Variants in MST1R observed in about 807,000 individuals in gnomAD.
MST1R encodes macrophage stimulating 1 receptor.
A neutral mutation model predicts 117.8 loss-of-function variants in MST1R; 99 were observed. The observed-to-expected ratio is 0.84, with a 90% CI of 0.71 to 0.99. MST1R has a LOEUF of 0.99. MST1R is among the 50% of genes least tolerant of loss of function. The pLI is 0.00. For missense variants in MST1R, 1,683 were observed against 1,840.2 expected (o/e 0.91, Z 1.56); for synonymous variants, 734 against 765.3 (o/e 0.96, Z 0.68).
intron 17 of MST1R, 125 bp downstream of exon 17, chr3:49,891,071 CA>C (rs2108383597): frequency 2.2e-5 from 20 of 891,500 alleles, no homozygotes; most frequent in African/African-American, 3.3e-5. Context: ...ACTGGGCAGA[CA>C]AAAAAAGTAA....
chr3:49,897,611 G>A lies in MST1R; in HGVS notation c.1955C>T (p.Pro652Leu), dbSNP rs779818952. 6.2e-7 allele frequency: 1 copy of A among 1,614,144 alleles called. No individual in the cohort carries two copies. Among genetic ancestry groups the A allele is most frequent in the East Asian group, 2.2e-5 (1 of 44,888 alleles). The change falls in exon 6 of 20, where the codon CCT (proline) becomes CTT (leucine). Residue 652 changes from proline to leucine, a missense_variant. By Grantham distance (98) the Pro-to-Leu change is moderately conservative. Transcript: ENST00000296474. ...AGTCACGGTGAGGCTGACGTTGGTAGGCCCCACTGCCTGGGTGCCCAAGGG... is the reference window on the plus strand; with the variant it reads ...AGTCACGGTGAGGCTGACGTTGGTAAGCCCCACTGCCTGGGTGCCCAAGGG... ...LEPLGTQAVG[P>L]TNVSLTVTNM...
chr3:49,898,836 T>C, intron 3 of MST1R, 31 bp downstream of exon 3: 1 of 1,613,096 alleles, frequency 6.2e-7, no homozygotes, highest in Non-Finnish European at 8.5e-7. Flanking sequence ...CCCACAACCC[T>C]GGCCCCAGGC....
rs1253864276 is a variant in MST1R, at chr3:49,903,411, C to A, written c.199G>T (p.Glu67Ter). Residue 67 changes from glutamate to a stop codon, truncating the protein, a stop_gained, in exon 1 of 20, where the codon GAG becomes TAG. Transcript: ENST00000296474. LOFTEE classifies it high-confidence loss of function. ...CGTATGGCTACAAACACAGCACTCTCATTTCTGTCGCCCTCGTAGGTCACC... is the reference window on the plus strand; with the variant it reads ...CGTATGGCTACAAACACAGCACTCTAATTTCTGTCGCCCTCGTAGGTCACC... Reference protein sequence around the residue: ...AMVTYEGDRNESAVFVAIRNR... With the variant: ...AMVTYEGDRN 6.2e-7 allele frequency: 1 copy of A among 1,614,002 alleles called. No homozygotes were observed. Among genetic ancestry groups the A allele is most frequent in the Non-Finnish European group, 8.5e-7 (1 of 1,180,022 alleles).
At position 49,896,535 on chromosome 3, in the gene MST1R, C is replaced by T. The variant is rs1194548367; in HGVS notation, c.2439+5G>A. The T allele has an allele frequency of 6.2e-7, 1 of 1,613,984 alleles. No homozygotes were observed. The highest frequency in any genetic ancestry group is 8.5e-7 in the Non-Finnish European group (1 of 1,179,968). ...CTTCCTCCCTCCTGGCCAGCACTCA[C>T]TCACCCTGCTTTCCACTGCCCTAAG... On this transcript the variant is annotated splice_donor_5th_base_variant and intron_variant, in intron 9 of 19. Coordinates refer to ENST00000296474, the MANE Select transcript of MST1R (RefSeq NM_002447.4).
At chr3:49,895,045 T>C in intron 14 of MST1R, 122 bp downstream of exon 14, 1 of 976,100 alleles carries the variant, frequency 1.0e-6, no homozygotes, top group Non-Finnish European at 1.6e-6. Flanking sequence ...TCTCCTGACC[T>C]CATGATCTGC....
At chr3:49,898,739 C>G in intron 3 of MST1R, 51 bp from the exon 4 acceptor site, 1 of 1,607,350 alleles carries the variant, frequency 6.2e-7, no homozygotes, top group Non-Finnish European at 8.5e-7. Flanking sequence ...AGAGATTGGG[C>G]CCTATAGACC....
At chr3:49,891,045 T>C (rs1452276197) in intron 17 of MST1R, 152 bp downstream of exon 17, 3 of 706,092 alleles carry the variant, frequency 4.2e-6, no homozygotes, top group Middle Eastern at 3.9e-4. Flanking sequence ...AGCCACAGTG[T>C]CCAGTCCAAG....
At chr3:49,893,464 T>C (rs2082371382) in intron 14 of MST1R, among the ~76,000 whole-genome samples, 1 of 144,584 alleles carries the variant, frequency 6.9e-6, no homozygotes, top group Non-Finnish European at 1.5e-5. Context: ...ATTAGCCAGG[T>C]GTGGTGGCGG....
intron 5 of MST1R, 131 bp downstream of exon 5, chr3:49,897,920 A>G: frequency 7.4e-7 from 1 of 1,353,678 alleles, no homozygotes; most frequent in Middle Eastern, 2.2e-4. Flanking sequence ...TTGACTCTCA[A>G]AAAGCAGTCA....
At position 49,896,009 on chromosome 3, in the gene MST1R, G is replaced by T. The variant is rs1325886957; in HGVS notation, c.2748C>A (p.Cys916Ter). The change falls in exon 11 of 20, where the codon TGC (cysteine) becomes TGA (stop). Residue 916 changes from cysteine (C) to a stop codon, truncating the protein, a stop_gained. Transcript: ENST00000296474. LOFTEE classifies it high-confidence loss of function. The stretch of plus-strand genomic sequence containing the variant: ...CAAGCTGCAGGGATGGGGGCAGGGG[G>T]CAGACAACCATGTCCCCCCGGAACT... ...QHEFRGDMVV[C>*]PLPPSLQLGQ... 1.9e-6 allele frequency: 3 copies of T among 1,597,526 alleles called. No individual in the cohort carries two copies. The South Asian group carries it at 3.4e-5, about 18-fold the overall frequency.
intron 14 of MST1R, among the ~76,000 whole-genome samples, chr3:49,893,478 C>A (rs994389472): frequency 6.7e-6 from 1 of 149,222 alleles, no homozygotes; most frequent in Non-Finnish European, 1.5e-5. Flanking sequence ...GTGGCGGGCG[C>A]CTGTAATCCC....
In MST1R at chr3:49,902,360, G is replaced by T. The variant is rs1163036222; in HGVS notation, c.1230+20C>A. 1 of 1,607,658 alleles carries T rather than the reference G, an allele frequency of 6.2e-7. No individual in the cohort carries two copies. Among genetic ancestry groups the T allele is most frequent in the Non-Finnish European group, 8.5e-7 (1 of 1,176,896 alleles). ...CATGTGCATGCAGCTCACAAGTAAGGGCCCCTTCTTTCAGCTTACCGGGTT... is the reference window on the plus strand; with the variant it reads ...CATGTGCATGCAGCTCACAAGTAAGTGCCCCTTCTTTCAGCTTACCGGGTT... On this transcript the variant is annotated intron_variant, in intron 1 of 19. Transcript: ENST00000296474.
intron 3 of MST1R, 70 bp downstream of exon 3, chr3:49,898,797 C>T: frequency 6.2e-7 from 1 of 1,608,686 alleles, no homozygotes; most frequent in South Asian, 1.1e-5. Context: ...ATGTCAATGC[C>T]TCCCTGGATT....
chr3:49,899,553 C>T (rs1427754159), intron 1 of MST1R: 4 of 306,566 alleles, frequency 1.3e-5, no homozygotes, highest in South Asian at 1.3e-4. Context: ...ACAACCACCC[C>T]GTACATCTTT....
In MST1R at chr3:49,891,426, C is replaced by T; in HGVS notation, c.3507G>A (p.Leu1169=). The change falls in exon 16 of 20, where the codon CTG becomes CTA. Residue 1169 remains leucine (L), a synonymous_variant. Transcript: ENST00000296474. Reference sequence around the variant, plus strand: ...GCTGAGGTGAGCGGATGAACTGGAGCAGGTCACCGTGGCACATATAGGGCA... The same window carrying T: ...GCTGAGGTGAGCGGATGAACTGGAGTAGGTCACCGTGGCACATATAGGGCA... The part of the protein sequence containing the change: ...VLLPYMCHGD[L]LQFIRSPQRN... The T allele has an allele frequency of 6.2e-7, 1 of 1,614,008 alleles. No individual in the cohort carries two copies. The highest frequency in any genetic ancestry group is 8.5e-7 in the Non-Finnish European group (1 of 1,180,034).
chr3:49,890,478 G>A lies in MST1R; in HGVS notation c.3810+7C>T, dbSNP rs1207946061. On this transcript the variant is annotated splice_region_variant and intron_variant, in intron 18 of 19. Transcript: ENST00000296474. ...CCATGTGGACTGTAGGGCAGGTGGG[G>A]CCTCACCACATCAGACTTGGTGGTA... is the stretch of plus-strand genomic sequence containing the variant. 6.2e-7 allele frequency: 1 copy of A among 1,609,736 alleles called. No individual in the cohort carries two copies. Among genetic ancestry groups the A allele is most frequent in the Non-Finnish European group, 8.5e-7 (1 of 1,177,232 alleles).
intron 1 of MST1R, 42 bp from the exon 2 acceptor site, chr3:49,899,305 T>C (rs2082589918): frequency 1.2e-6 from 2 of 1,607,792 alleles, no homozygotes; most frequent in Non-Finnish European, 1.7e-6. Flanking sequence ...GGTTCAGCCT[T>C]GTGCCCCGAC....
At chr3:49,902,289 C>T (rs2108499598) in intron 1 of MST1R, 91 bp downstream of exon 1, 1 of 1,502,830 alleles carries the variant, frequency 6.7e-7, no homozygotes, top group African/African-American at 1.4e-5. Flanking sequence ...CCCCACCGCG[C>T]CCCCAGATCC....
rs1323913607 is a variant in MST1R, at chr3:49,903,534, C to T, written c.76G>A (p.Asp26Asn). ...TAGGGGGTGCGCGGGCACTGCCAGTCCTCGCCCGCCGCGGGCTTGGCAGGC... is the reference window on the plus strand; with the variant it reads ...TAGGGGGTGCGCGGGCACTGCCAGTTCTCGCCCGCCGCGGGCTTGGCAGGC... ...LLPAKPAAGE[D>N]WQCPRTPYAA... The change falls in exon 1 of 20, where the codon GAC (aspartate) becomes AAC (asparagine). Residue 26 changes from aspartate (D) to asparagine (N), a missense_variant. Physicochemically the swap from Asp to Asn is conservative, Grantham distance 23. Transcript: ENST00000296474. The T allele has an allele frequency of 6.2e-7, 1 of 1,602,818 alleles. No individual in the cohort carries two copies. The highest frequency in any genetic ancestry group is 1.1e-5 in the South Asian group (1 of 90,884).
Sources: allele counts gnomAD v4.1 joint callset (sites outside exome capture counted in the v4.1 genomes callset), GRCh38; gene constraint gnomAD v4.1.1; transcripts MANE v1.5; gene names NCBI Gene and HGNC (gene_info 2026-07-23, HGNC 2026-07-21).